RBM20: variants seen among roughly 807,000 people sequenced by gnomAD.
RBM20 encodes RNA binding motif protein 20.
RBM20 carries 51 observed loss-of-function variants against 110.1 expected under a neutral mutation model. The ratio of observed to expected loss-of-function variants is 0.46; its 90% CI spans 0.37 to 0.59. The LOEUF (loss-of-function observed/expected upper bound fraction) is 0.59. Among genes scored for constraint, RBM20 ranks in the 20% least tolerant of loss-of-function variants. The pLI is 0.00. For missense variants in RBM20, 1,512 were observed against 1,574.9 expected (o/e 0.96, Z 0.68); for synonymous variants, 589 against 618.2 (o/e 0.95, Z 0.70).
intron 5 of RBM20, among the ~76,000 whole-genome samples, chr10:110,788,048 C>T (rs1198318447): frequency 6.6e-6 from 1 of 152,078 alleles, no homozygotes; most frequent in African/African-American, 2.4e-5. Context: ...AGCTTAGTAC[C>T]TTATATGAGG....
intron 8 of RBM20, among the ~76,000 whole-genome samples, chr10:110,810,846 CGTGT>C (rs34289852): frequency 3.4e-5 from 5 of 149,040 alleles, no homozygotes; most frequent in Non-Finnish European, 6.0e-5. Flanking sequence ...CATGTGTGTG[CGTGT>C]GTGTGTGTGT....
Position 110,810,374 on chromosome 10 carries a change from CTT to C in RBM20, c.1801-7_1801-6del. On this transcript the variant is annotated splice_region_variant and splice_polypyrimidine_tract_variant and intron_variant, in intron 7 of 13. Coordinates refer to ENST00000369519, the MANE Select transcript of RBM20 (RefSeq NM_001134363.3). ...TCTGATCTGATGGTGATCTCTCTGA[CTT>C]TGCTAGAAACCCGGGAAGGCCGTGG... 3.2e-6 allele frequency: 5 copies of C among 1,550,352 alleles called. No homozygotes were observed. Among genetic ancestry groups the C allele is most frequent in the Non-Finnish European group, 4.4e-6 (5 of 1,145,808 alleles).
Position 110,789,014 on chromosome 10 carries a change from C to A in RBM20, c.1527+4125C>A, listed in dbSNP as rs185038800. On this transcript the variant is annotated intron_variant, in intron 5 of 13. Coordinates refer to ENST00000369519, the MANE Select transcript of RBM20 (RefSeq NM_001134363.3). ...CTCCCTTTCAGCCCTCACAGAGATC[C>A]CATTTTCCTCCACAAGTGAGGTCTG... Among the ~76,000 whole-genome samples the A allele has an allele frequency of 6.8e-4, 104 of 152,364 alleles. 1 individual carries two copies. Among genetic ancestry groups the A allele is most frequent in the Non-Finnish European group, 1.3e-3 (90 of 68,026 alleles).
At position 110,739,131 on chromosome 10, in the gene RBM20, T is replaced by G. The variant is rs1481218389; in HGVS notation, c.192-41670T>G. Among the ~76,000 whole-genome samples, 3 of 152,184 alleles carry G rather than the reference T, an allele frequency of 2.0e-5. No homozygotes were observed. The highest frequency in any genetic ancestry group is 7.2e-5 in the African/African-American group (3 of 41,442). On this transcript the variant is annotated intron_variant, in intron 1 of 13. Transcript: ENST00000369519. This position sits in a 1 kb window ranked among gnomAD's most constrained non-coding sequence, Gnocchi z 4.1. ...GGGCACAGGATCAGATGGATGTCTTTCTGTCTGTTGACAGGTCCTCCTGAG... is the reference window on the plus strand; with the variant it reads ...GGGCACAGGATCAGATGGATGTCTTGCTGTCTGTTGACAGGTCCTCCTGAG...
At chr10:110,834,701 G>C (rs1008602235) in intron 13 of RBM20, among the ~76,000 whole-genome samples, 2 of 152,204 alleles carry the variant, frequency 1.3e-5, no homozygotes, top group Non-Finnish European at 2.9e-5. Flanking sequence ...CTGAGGGATA[G>C]GATTGAACCC....
Position 110,811,994 on chromosome 10 carries a change from G to A in RBM20, c.1881-284G>A, listed in dbSNP as rs547150674. Among the ~76,000 whole-genome samples the A allele has an allele frequency of 1.7e-4, 26 of 152,294 alleles. No individual in the cohort carries two copies. In the East Asian group the frequency reaches 3.5e-3, roughly 20 times the overall value. ...TTCCAAGAGAAGGCAAGCTGGAACC[G>A]AGCCAAATCAGCCCAGTTCTTCTTC... is the stretch of plus-strand genomic sequence containing the variant. On this transcript the variant is annotated intron_variant, in intron 8 of 13. Coordinates refer to ENST00000369519, the MANE Select transcript of RBM20 (RefSeq NM_001134363.3).
chr10:110,672,177 G>A (rs993453780), intron 1 of RBM20, among the ~76,000 whole-genome samples: 1 of 152,204 alleles, frequency 6.6e-6, no homozygotes, highest in Non-Finnish European at 1.5e-5. Context: ...GTTTCTCCGC[G>A]CACTTGGACA....
intron 7 of RBM20, among the ~76,000 whole-genome samples, chr10:110,804,155 TG>T (rs2135088661): frequency 6.6e-6 from 1 of 152,360 alleles, no homozygotes; most frequent in South Asian, 2.1e-4. Context: ...TCGCTCTGAC[TG>T]GACTAGCTTA....
At chr10:110,833,690 G>A (rs1478212895) in intron 13 of RBM20, among the ~76,000 whole-genome samples, 1 of 152,190 alleles carries the variant, frequency 6.6e-6, no homozygotes, top group Non-Finnish European at 1.5e-5. Flanking sequence ...CTGAGCCTCT[G>A]GGCCACGCCC....
chr10:110,789,972 G>T (rs1844463998), intron 5 of RBM20, among the ~76,000 whole-genome samples: 1 of 152,154 alleles, frequency 6.6e-6, no homozygotes, highest in African/African-American at 2.4e-5. Flanking sequence ...AAGCCACCTT[G>T]CAGTTTTCAC....
At chr10:110,783,469 C>T in intron 3 of RBM20, 42 bp downstream of exon 3, 1 of 1,403,058 alleles carries the variant, frequency 7.1e-7, no homozygotes, top group Non-Finnish European at 9.9e-7. Flanking sequence ...GTAGGCTCAA[C>T]ACATATTCAC....
chr10:110,786,413 G>A (rs759774203), intron 5 of RBM20, among the ~76,000 whole-genome samples: 48 of 152,246 alleles, frequency 3.2e-4, no homozygotes, highest in Non-Finnish European at 6.0e-4. Flanking sequence ...AGGCTCTGAG[G>A]AGTGAGTAAG....
At position 110,784,911 on chromosome 10, in the gene RBM20, C is replaced by G. The variant is rs182147793; in HGVS notation, c.1527+22C>G. On this transcript the variant is annotated intron_variant, in intron 5 of 13. Transcript: ENST00000369519. ...AACTGTGAGTACGGAAACATTTTCT[C>G]TAGAAATTAATGAAAATGATTATTA... is the stretch of plus-strand genomic sequence containing the variant. 3,283 of 1,338,008 alleles carry G rather than the reference C, an allele frequency of 2.5e-3. 66 individuals carry two copies. The African/African-American group carries it at 0.043, about 17-fold the overall frequency. 82.9% of individuals were successfully genotyped at this position (1,338,008 alleles called of 1,614,324 possible). A position where few individuals can be genotyped will look rare whatever the true frequency, so the allele number is the denominator to read the frequency against.
intron 9 of RBM20, among the ~76,000 whole-genome samples, chr10:110,818,564 C>G (rs958425609): frequency 3.9e-5 from 6 of 152,254 alleles, no homozygotes; most frequent in African/African-American, 1.4e-4. Context: ...AGCTGCTGCT[C>G]TCTCCTGGAA....
At chr10:110,737,211 C>T (rs1420146756) in intron 1 of RBM20, among the ~76,000 whole-genome samples, 1 of 94,306 alleles carries the variant, frequency 1.1e-5, no homozygotes, top group East Asian at 2.1e-4. Context: ...CCCACACACA[C>T]ACTCAAAAAC....
chr10:110,653,298 T>C (rs1413515908), intron 1 of RBM20, among the ~76,000 whole-genome samples: 2 of 152,196 alleles, frequency 1.3e-5, no homozygotes, highest in Non-Finnish European at 2.9e-5. Flanking sequence ...ACCAAGGATA[T>C]AATTTGGACT....
In RBM20 at chr10:110,781,126, C is replaced by T; in HGVS notation, c.517C>T (p.Pro173Ser). 4 of 1,551,686 alleles carry T rather than the reference C, an allele frequency of 2.6e-6. No homozygotes were observed. The highest frequency in any genetic ancestry group is 3.5e-6 in the Non-Finnish European group (4 of 1,146,990). The change falls in exon 2 of 14, where the codon CCC (proline) becomes TCC (serine). Residue 173 changes from proline to serine, a missense_variant. Transcript: ENST00000369519. ...TCCCTCTAATGCAATTGCCTTTTCA[C>T]CCCCCAGCCAGACACGAGGCCCCGG... ...RFPSNAIAFS[P>S]PSQTRGPGPS... is the part of the protein sequence containing the mutation.
intron 1 of RBM20, among the ~76,000 whole-genome samples, chr10:110,760,420 A>C (rs1843980975): frequency 8.7e-6 from 1 of 115,408 alleles, no homozygotes; most frequent in Non-Finnish European, 1.8e-5. Context: ...GCTGAATTCC[A>C]TCATCTTTTT....
At chr10:110,663,646 T>C (rs547924695) in intron 1 of RBM20, among the ~76,000 whole-genome samples, 6 of 152,304 alleles carry the variant, frequency 3.9e-5, no homozygotes, top group Non-Finnish European at 8.8e-5. Flanking sequence ...TATAAAAAAA[T>C]TAAATTCACA....
Sources: gnomAD v4.1 joint callset for allele counts (sites outside exome capture counted in the v4.1 genomes callset) on GRCh38, gnomAD v4.1.1 for gene constraint, Gnocchi (gnomAD v3.1) non-coding constraint, MANE v1.5 for transcripts, NCBI Gene and HGNC (gene_info 2026-07-23, HGNC 2026-07-21) for gene names.